FOCAD: variants seen among roughly 807,000 people sequenced by gnomAD.
FOCAD encodes the protein KIAA1797.
In FOCAD, 198 loss-of-function variants were observed where a neutral mutation model predicts 225.6. The observed-to-expected ratio is 0.88, with a 90% confidence interval of 0.78 to 0.99. FOCAD has a LOEUF of 0.99. FOCAD is among the 50% of genes least tolerant of loss of function. The pLI is 0.00. For missense variants in FOCAD, 2,713 were observed against 2,123.6 expected (o/e 1.28, Z -5.46); for synonymous variants, 897 against 755.0 (o/e 1.19, Z -3.08).
chr9:20,857,011 A>G (rs993840759), intron 15 of FOCAD, among the ~76,000 whole-genome samples: 2 of 151,908 alleles, frequency 1.3e-5, no homozygotes, highest in African/African-American at 4.8e-5. Context: ...ATAACTTGAA[A>G]TCAGATAATG....
At chr9:20,930,660 A>G (rs1835379864) in intron 27 of FOCAD, among the ~76,000 whole-genome samples, 1 of 152,152 alleles carries the variant, frequency 6.6e-6, no homozygotes, top group African/African-American at 2.4e-5. Context: ...GGAATACCAT[A>G]TTTCAGATGA....
At chr9:20,761,032 T>C (rs1173211348) in intron 6 of FOCAD, among the ~76,000 whole-genome samples, 2 of 151,312 alleles carry the variant, frequency 1.3e-5, no homozygotes, top group Non-Finnish European at 2.9e-5. Flanking sequence ...GGGGGGGGCG[T>C]TACAATTATT....
chr9:20,893,768 A>G (rs1296532107), intron 21 of FOCAD, among the ~76,000 whole-genome samples: 1 of 152,092 alleles, frequency 6.6e-6, no homozygotes, highest in Non-Finnish European at 1.5e-5. Flanking sequence ...GCATTCCCAT[A>G]CAACTCCCTG....
At chr9:20,921,211 C>G (rs1257391157) in intron 24 of FOCAD, among the ~76,000 whole-genome samples, 2 of 152,096 alleles carry the variant, frequency 1.3e-5, no homozygotes, top group Non-Finnish European at 2.9e-5. Flanking sequence ...AGTATTGAGT[C>G]ACTTTACTAA....
At chr9:20,754,420 C>T (rs17685780) in intron 5 of FOCAD, among the ~76,000 whole-genome samples, 30,195 of 151,956 alleles carry the variant, frequency 0.2, 3,331 homozygotes, top group South Asian at 0.32. Context: ...CTTCTAGTTT[C>T]TAGTGTGTTC....
intron 21 of FOCAD, among the ~76,000 whole-genome samples, chr9:20,906,383 C>T (rs1272717841): frequency 2.6e-5 from 4 of 151,452 alleles, no homozygotes; most frequent in East Asian, 1.9e-4. Flanking sequence ...GTTTGACTTT[C>T]GATGTGTTAC....
At chr9:20,986,535 T>C in intron 40 of FOCAD, 70 bp downstream of exon 40, 1 of 1,376,862 alleles carries the variant, frequency 7.3e-7, no homozygotes, top group East Asian at 2.7e-5. Context: ...AAGTTGCACT[T>C]GAGTTCTCAA....
At chr9:20,720,304 G>T in intron 3 of FOCAD, 76 bp from the exon 4 acceptor site, 1 of 1,433,688 alleles carries the variant, frequency 7.0e-7, no homozygotes, top group South Asian at 1.3e-5. Context: ...ATTACTCATT[G>T]ATGAATGACC....
chr9:20,784,963 C>T (rs545820564), intron 10 of FOCAD, among the ~76,000 whole-genome samples: 1 of 151,438 alleles, frequency 6.6e-6, no homozygotes, highest in African/African-American at 2.4e-5. Context: ...AGCTGTGTGG[C>T]CTTGGACTAG....
intron 28 of FOCAD, among the ~76,000 whole-genome samples, chr9:20,940,555 G>A (rs949399525): frequency 1.3e-5 from 2 of 152,078 alleles, no homozygotes; most frequent in Admixed American, 6.6e-5. Flanking sequence ...CAAAGTAATG[G>A]GATTACAGAT....
At chr9:20,957,115 G>A (rs915279235) in intron 35 of FOCAD, among the ~76,000 whole-genome samples, 4 of 152,192 alleles carry the variant, frequency 2.6e-5, no homozygotes, top group Admixed American at 6.5e-5. Context: ...CCAGGGTGAA[G>A]TGCGGTGGCA....
intron 21 of FOCAD, among the ~76,000 whole-genome samples, chr9:20,901,307 T>C (rs1832543208): frequency 6.6e-6 from 1 of 151,588 alleles, no homozygotes. Context: ...ATACATTTAT[T>C]TTGATAATAA....
chr9:20,895,323 T>C (rs1043837209), intron 21 of FOCAD, among the ~76,000 whole-genome samples: 5 of 151,944 alleles, frequency 3.3e-5, no homozygotes, highest in African/African-American at 1.2e-4. Context: ...CATATGAACA[T>C]TTGAATCAAT....
chr9:20,819,890 G>A lies in FOCAD; in HGVS notation c.1550G>A (p.Gly517Asp). The change falls in exon 12 of 44, where the codon GGT (glycine) becomes GAT (aspartate). Residue 517 changes from glycine (G) to aspartate (D), a missense_variant. Gly to Asp is a moderately conservative substitution (Grantham distance 94). Transcript: ENST00000338382. ...NDILYTLPKLGVHKVCIGQIL... is the reference protein window; with the variant it reads ...NDILYTLPKLDVHKVCIGQIL... Reference sequence around the variant, plus strand: ...ATATTGTATACTTTACCTAAGCTTGGTGTTCACAAGGTTAGTATGTTAATT... The same window carrying A: ...ATATTGTATACTTTACCTAAGCTTGATGTTCACAAGGTTAGTATGTTAATT... The A allele has an allele frequency of 6.6e-7, 1 of 1,514,634 alleles. No homozygotes were observed. Among genetic ancestry groups the A allele is most frequent in the Non-Finnish European group, 8.9e-7 (1 of 1,122,918 alleles). 93.8% of individuals were successfully genotyped at this position (1,514,634 alleles called of 1,614,324 possible).
At chr9:20,821,692 A>G (rs1370566285) in intron 14 of FOCAD, among the ~76,000 whole-genome samples, 1 of 152,058 alleles carries the variant, frequency 6.6e-6, no homozygotes, top group Non-Finnish European at 1.5e-5. Flanking sequence ...ATGTGGTAAG[A>G]TAAAAATGTT....
intron 1 of FOCAD, among the ~76,000 whole-genome samples, chr9:20,714,947 A>C (rs1441246618): frequency 2.0e-5 from 3 of 152,200 alleles, no homozygotes; most frequent in African/African-American, 7.2e-5. Context: ...GCATAGATGA[A>C]GTAATTTTAT....
intron 4 of FOCAD, among the ~76,000 whole-genome samples, chr9:20,725,345 T>C (rs1165983826): frequency 6.6e-6 from 1 of 152,236 alleles, no homozygotes; most frequent in Non-Finnish European, 1.5e-5. Flanking sequence ...TGATTGCTTA[T>C]CTTTGCTTTA....
At chr9:20,957,989 C>T (rs1258237530) in intron 35 of FOCAD, among the ~76,000 whole-genome samples, 1 of 151,916 alleles carries the variant, frequency 6.6e-6, no homozygotes, top group Non-Finnish European at 1.5e-5. Context: ...TATGAATTTG[C>T]AAAAATATAA....
chr9:20,940,698 A>G (rs1400433783), intron 28 of FOCAD, among the ~76,000 whole-genome samples: 1 of 152,222 alleles, frequency 6.6e-6, no homozygotes, highest in Admixed American at 6.5e-5. Flanking sequence ...CAACCTAAAC[A>G]TGATACTGAA....
Sources: gnomAD v4.1 joint callset for allele counts (sites outside exome capture counted in the v4.1 genomes callset) on GRCh38, gnomAD v4.1.1 for gene constraint, MANE v1.5 for transcripts, NCBI Gene and HGNC (gene_info 2026-07-23, HGNC 2026-07-21) for gene names.